Variants in CNTNAP4 observed in about 807,000 individuals in gnomAD.
CNTNAP4 encodes the protein contactin-associated protein-like 4.
CNTNAP4 carries 98 observed loss-of-function variants against 148.4 expected under a neutral mutation model. That is an observed-to-expected ratio of 0.66 (90% CI 0.56 to 0.78). The LOEUF (loss-of-function observed/expected upper bound fraction) is 0.78, where lower values mean the gene tolerates loss of function less well. Among genes scored for constraint, CNTNAP4 ranks in the 30% least tolerant of loss-of-function variants. CNTNAP4 has a pLI of 0.00. For synonymous variants in CNTNAP4, 730 were observed against 565.1 expected, an observed-to-expected ratio of 1.29 and a Z score of -4.14; for missense variants, 1,935 against 1,565.6, an observed-to-expected ratio of 1.24 and a Z score of -3.98.
chr16:76,438,570 T>C (rs2079920707), intron 4 of CNTNAP4, among the ~76,000 whole-genome samples: 1 of 151,904 alleles, frequency 6.6e-6, no homozygotes, highest in African/African-American at 2.4e-5. Context: ...AAAATAGACT[T>C]ATCCAACAAA....
At chr16:76,491,653 T>A (rs1027990394) in intron 13 of CNTNAP4, among the ~76,000 whole-genome samples, 1 of 152,136 alleles carries the variant, frequency 6.6e-6, no homozygotes, top group Admixed American at 6.5e-5. Context: ...AGAAGAAGAA[T>A]GGTAATTATG....
intron 21 of CNTNAP4, among the ~76,000 whole-genome samples, chr16:76,544,828 G>C (rs747974256): frequency 2.3e-4 from 35 of 152,248 alleles, no homozygotes; most frequent in Middle Eastern, 6.8e-3. Context: ...TGGGGCTGCA[G>C]AGCCAAGATG....
chr16:76,410,961 C>T (rs1597454578), intron 3 of CNTNAP4, among the ~76,000 whole-genome samples: 1 of 151,386 alleles, frequency 6.6e-6, no homozygotes, highest in Non-Finnish European at 1.5e-5. Flanking sequence ...TACAGTGGTA[C>T]TCAGGTAAAT....
chr16:76,432,017 A>G (rs2079627790), intron 4 of CNTNAP4, among the ~76,000 whole-genome samples: 1 of 152,194 alleles, frequency 6.6e-6, no homozygotes, highest in South Asian at 2.1e-4. Flanking sequence ...AAATATCATT[A>G]TTGTTAGTAA....
At chr16:76,458,339 A>G (rs1433838768) in intron 8 of CNTNAP4, among the ~76,000 whole-genome samples, 3 of 152,136 alleles carry the variant, frequency 2.0e-5, no homozygotes, top group Non-Finnish European at 2.9e-5. Flanking sequence ...CAATTTTTCT[A>G]GGGACTGTAA....
chr16:76,385,062 G>A (rs2016381558), intron 3 of CNTNAP4, among the ~76,000 whole-genome samples: 2 of 152,290 alleles, frequency 1.3e-5, no homozygotes, highest in South Asian at 2.1e-4. Flanking sequence ...CCTGACAGGT[G>A]CAACTTATAA....
At chr16:76,363,339 T>C (rs2013675925) in intron 3 of CNTNAP4, among the ~76,000 whole-genome samples, 1 of 151,896 alleles carries the variant, frequency 6.6e-6, no homozygotes, top group South Asian at 2.1e-4. Context: ...ATTTTTTATT[T>C]TCAGTAGAGA....
At chr16:76,426,872 T>G (rs948933674) in intron 3 of CNTNAP4, among the ~76,000 whole-genome samples, 6 of 152,214 alleles carry the variant, frequency 3.9e-5, no homozygotes, top group African/African-American at 1.2e-4. Context: ...GCTTCCAATT[T>G]CCCTTCACAA....
chr16:76,472,997 G>C (rs533333525), intron 10 of CNTNAP4, among the ~76,000 whole-genome samples: 6 of 152,278 alleles, frequency 3.9e-5, no homozygotes, highest in East Asian at 3.9e-4. Flanking sequence ...TACTCCGTGA[G>C]GGGGGCAGAG....
chr16:76,490,874 T>A (rs2082193904), intron 13 of CNTNAP4, among the ~76,000 whole-genome samples: 1 of 152,136 alleles, frequency 6.6e-6, no homozygotes, highest in Non-Finnish European at 1.5e-5. Flanking sequence ...TTCTAAGACG[T>A]CTGTACAATA....
Position 76,528,248 on chromosome 16 carries a change from T to G in CNTNAP4, c.2755+5991T>G, listed in dbSNP as rs190490960. On this transcript the variant is annotated intron_variant, in intron 17 of 23. Coordinates refer to ENST00000611870, the MANE Select transcript of CNTNAP4 (RefSeq NM_033401.5). ...GTTGGTAATATTTATTAGCATTAAG[T>G]TTTTTGAGATTAACATTTTTTAAAA... Among the ~76,000 whole-genome samples, 95 of 152,188 alleles carry G rather than the reference T, an allele frequency of 6.2e-4. 1 individual carries two copies. In the East Asian group the frequency reaches 0.016, roughly 25 times the overall value.
At position 76,535,654 on chromosome 16, in the gene CNTNAP4, G is replaced by C. The variant is rs761974147; in HGVS notation, c.2865G>C (p.Gln955His). 1 of 1,614,094 alleles carries C rather than the reference G, an allele frequency of 6.2e-7. No homozygotes were observed. The highest frequency in any genetic ancestry group is 1.1e-5 in the South Asian group (1 of 91,078). ...EERAQVTPEV[Q>H]PGCRGHCSSY... Reference sequence around the variant, plus strand: ...GAGCCCAGGTGACTCCAGAAGTGCAGCCAGGTTGTAGGGGACATTGCAGCA... The same window carrying C: ...GAGCCCAGGTGACTCCAGAAGTGCACCCAGGTTGTAGGGGACATTGCAGCA... Residue 955 changes from glutamine (Q) to histidine (H), a missense_variant, in exon 18 of 24, where the codon CAG becomes CAC. Gln to His is a conservative substitution (Grantham distance 24). Coordinates refer to ENST00000611870, the MANE Select transcript of CNTNAP4 (RefSeq NM_033401.5).
At chr16:76,522,667 C>T (rs1261689706) in intron 17 of CNTNAP4, among the ~76,000 whole-genome samples, 11,207 of 88,486 alleles carry the variant, frequency 0.13, 2,126 homozygotes, top group Non-Finnish European at 0.15. Flanking sequence ...TCTCTCTTTC[C>T]TTCTTTCTCT....
intron 4 of CNTNAP4, among the ~76,000 whole-genome samples, chr16:76,444,098 A>G (rs1037578630): frequency 2.0e-5 from 3 of 152,164 alleles, no homozygotes; most frequent in Non-Finnish European, 2.9e-5. Flanking sequence ...AATTCAAGAG[A>G]TTGAGTGTAT....
intron 17 of CNTNAP4, among the ~76,000 whole-genome samples, chr16:76,527,956 A>G (rs2083811151): frequency 6.6e-6 from 1 of 152,166 alleles, no homozygotes; most frequent in Non-Finnish European, 1.5e-5. Flanking sequence ...TCTAAGATAG[A>G]TGATGTTATT....
intron 18 of CNTNAP4, among the ~76,000 whole-genome samples, chr16:76,537,061 A>G (rs2084243174): frequency 6.6e-6 from 1 of 152,206 alleles, no homozygotes; most frequent in African/African-American, 2.4e-5. Flanking sequence ...ACTTGTGATC[A>G]TAATCATATA....
chr16:76,535,284 A>T (rs72799056), intron 17 of CNTNAP4, among the ~76,000 whole-genome samples: 7,929 of 152,272 alleles, frequency 0.052, 298 homozygotes, highest in Non-Finnish European at 0.08. Flanking sequence ...AGAGTAGTGT[A>T]TGACCTCTAT....
At position 76,448,118 on chromosome 16, in the gene CNTNAP4, G is replaced by T. The variant is rs1201074335; in HGVS notation, c.645G>T (p.Met215Ile). 1 of 1,613,310 alleles carries T rather than the reference G, an allele frequency of 6.2e-7. No homozygotes were observed. The highest frequency in any genetic ancestry group is 8.5e-7 in the Non-Finnish European group (1 of 1,179,382). ...TTATTTCTTTGAAATTCAAAACCAT[G>T]CAGAGTGATGGGATTCTACTCCACA... ...KDIISLKFKT[M>I]QSDGILLHRE... Residue 215 changes from methionine to isoleucine, a missense_variant, in exon 5 of 24, where the codon ATG becomes ATT. Physicochemically the swap from Met to Ile is conservative, Grantham distance 10 (BLOSUM62 1). Transcript: ENST00000611870.
intron 2 of CNTNAP4, among the ~76,000 whole-genome samples, chr16:76,341,157 G>A (rs1282697458): frequency 2.6e-5 from 4 of 152,174 alleles, no homozygotes; most frequent in African/African-American, 9.7e-5. Flanking sequence ...CAGTATAAGT[G>A]TAGATGCCAG....
Sources: gnomAD v4.1 joint callset for allele counts (sites outside exome capture counted in the v4.1 genomes callset) on GRCh38, gnomAD v4.1.1 for gene constraint, MANE v1.5 for transcripts, NCBI Gene and HGNC (gene_info 2026-07-23, HGNC 2026-07-21) for gene names.